SLCO1B3: variants seen among roughly 807,000 people sequenced by gnomAD.
SLCO1B3 encodes the protein liver-specific organic anion transporter 2.
Under a neutral mutation model 71.8 loss-of-function variants are expected in SLCO1B3, and 72 were observed. The ratio of observed to expected loss-of-function variants is 1.00; its 90% CI spans 0.83 to 1.22. SLCO1B3 has a LOEUF of 1.22. SLCO1B3 is among the 50% of genes most tolerant of loss of function. The pLI, the probability that SLCO1B3 is intolerant of heterozygous loss-of-function variation, is 0.00. For missense variants in SLCO1B3, 911 were observed against 819.7 expected, an observed-to-expected ratio of 1.11 and a Z score of -1.36; for synonymous variants, 298 against 278.4, an observed-to-expected ratio of 1.07 and a Z score of -0.70.
intron 3 of SLCO1B3, among the ~76,000 whole-genome samples, chr12:20,849,365 C>A (rs1164193286): frequency 6.6e-6 from 1 of 151,922 alleles, no homozygotes; most frequent in Non-Finnish European, 1.5e-5. Context: ...TTTCTCAACA[C>A]AAACACCCAG....
intron 15 of SLCO1B3, among the ~76,000 whole-genome samples, chr12:20,912,956 C>A (rs1866415052): frequency 6.6e-6 from 1 of 151,870 alleles, no homozygotes; most frequent in African/African-American, 2.4e-5. Flanking sequence ...GGATTACAGG[C>A]CTGAGCCACC....
chr12:20,824,778 C>T (rs1359013104), intron 3 of SLCO1B3, among the ~76,000 whole-genome samples: 1 of 152,118 alleles, frequency 6.6e-6, no homozygotes, highest in Non-Finnish European at 1.5e-5. Flanking sequence ...AAATATGTCT[C>T]TTTTGGACTT....
Position 20,916,397 on chromosome 12 carries a change from AGCTAT to A in SLCO1B3, c.*153_*157del, listed in dbSNP as rs1475592747. On this transcript the variant is annotated 3_prime_UTR_variant, in exon 16 of 16. Coordinates refer to ENST00000381545, the MANE Select transcript of SLCO1B3 (RefSeq NM_019844.4). The stretch of plus-strand genomic sequence containing the variant: ...ATGGGAGTACCCATGGTTAGGATAT[AGCTAT>A]GCCTTTATGGTTAAGATTAGAATAT... The A allele has an allele frequency of 1.5e-6, 1 of 658,760 alleles. No individual in the cohort carries two copies. Among genetic ancestry groups the A allele is most frequent in the Non-Finnish European group, 2.5e-6 (1 of 393,532 alleles). 40.8% of individuals were successfully genotyped at this position (658,760 alleles called of 1,614,324 possible).
At chr12:20,826,924 ATACT>A (rs1437262986) in intron 3 of SLCO1B3, among the ~76,000 whole-genome samples, 1 of 152,088 alleles carries the variant, frequency 6.6e-6, no homozygotes, top group East Asian at 1.9e-4. Flanking sequence ...AATAACCCAG[ATACT>A]TAATGTAACA....
intron 3 of SLCO1B3, among the ~76,000 whole-genome samples, chr12:20,849,937 T>C (rs565728399): frequency 6.6e-6 from 1 of 151,892 alleles, no homozygotes; most frequent in African/African-American, 2.4e-5. Flanking sequence ...AAACATCCAG[T>C]GTTTATAGAT....
intron 3 of SLCO1B3, among the ~76,000 whole-genome samples, chr12:20,846,489 T>A (rs914006602): frequency 2.5e-4 from 38 of 152,126 alleles, no homozygotes. Flanking sequence ...ACATATATAT[T>A]TGAAGGATAT....
intron 8 of SLCO1B3, among the ~76,000 whole-genome samples, chr12:20,864,763 CTTA>C (rs1865339820): frequency 6.6e-6 from 1 of 152,160 alleles, no homozygotes; most frequent in African/African-American, 2.4e-5. Context: ...CACATCTTCT[CTTA>C]TTCTGTGAGA....
At chr12:20,823,511 A>G (rs1864361345) in intron 3 of SLCO1B3, among the ~76,000 whole-genome samples, 1 of 152,206 alleles carries the variant, frequency 6.6e-6, no homozygotes, top group Non-Finnish European at 1.5e-5. Context: ...CCCCAGTTTT[A>G]TTAAACAGAA....
At chr12:20,884,261 A>G (rs1278325056) in intron 13 of SLCO1B3, among the ~76,000 whole-genome samples, 2 of 152,190 alleles carry the variant, frequency 1.3e-5, no homozygotes, top group Non-Finnish European at 2.9e-5. Context: ...AAGTATAAAA[A>G]TAAACACATA....
Position 20,883,554 on chromosome 12 carries a change from CTT to C in SLCO1B3, c.1636_1637del (p.Leu546ValfsTer20), listed in dbSNP as rs78627909. ...TATGTTGCAATTCAAGTCATAAACT[CTT>C]TGTTCTCTGCAACAGGAGGTACCAC... On this transcript the variant is annotated frameshift_variant, in exon 13 of 16. Coordinates refer to ENST00000381545, the MANE Select transcript of SLCO1B3 (RefSeq NM_019844.4). LOFTEE classifies it high-confidence loss of function. The C allele has an allele frequency of 5.6e-6, 9 of 1,602,350 alleles. No homozygotes were observed. The highest frequency in any genetic ancestry group is 2.6e-6 in the Non-Finnish European group (3 of 1,176,132).
chr12:20,822,672 A>G (rs558224039), intron 3 of SLCO1B3, among the ~76,000 whole-genome samples: 111 of 152,196 alleles, frequency 7.3e-4, no homozygotes, highest in Non-Finnish European at 1.3e-3. Flanking sequence ...AAAAACTAGC[A>G]GGTAAGGGAA....
At chr12:20,863,700 C>T (rs953797713) in intron 8 of SLCO1B3, among the ~76,000 whole-genome samples, 1 of 152,018 alleles carries the variant, frequency 6.6e-6, no homozygotes, top group Admixed American at 6.6e-5. Context: ...TTTTTATATC[C>T]CCAAACAACT....
chr12:20,819,766 C>T (rs4762675), intron 3 of SLCO1B3, among the ~76,000 whole-genome samples: 68,404 of 151,748 alleles, frequency 0.45, 17,704 homozygotes, highest in South Asian at 0.64. Flanking sequence ...TGGCACTGAG[C>T]GGGGTAAGGG....
Position 20,846,416 on chromosome 12 carries a change from C to G in SLCO1B3, c.85-8612C>G, listed in dbSNP as rs970495751. 5.3e-4 allele frequency among the ~76,000 whole-genome samples: 80 copies of G among 152,230 alleles called. 1 individual carries two copies. The highest frequency in any genetic ancestry group is 2.6e-4 in the Non-Finnish European group (18 of 68,018). On this transcript the variant is annotated intron_variant, in intron 3 of 15. Transcript: ENST00000381545. ...TTTATAAGGTATTTAACTTCGTTGA[C>G]TTGGAATTGCAAACTATGTGTTGGT...
At chr12:20,873,713 A>G (rs529966637) in intron 8 of SLCO1B3, among the ~76,000 whole-genome samples, 7 of 152,264 alleles carry the variant, frequency 4.6e-5, no homozygotes, top group African/African-American at 1.4e-4. Context: ...CCCATCACCT[A>G]GGTATTAAGT....
chr12:20,833,507 C>CTATGTATGTATATACATATATAGTT (rs1189155790), intron 3 of SLCO1B3, among the ~76,000 whole-genome samples: 2 of 147,862 alleles, frequency 1.4e-5, no homozygotes, highest in Non-Finnish European at 3.0e-5. Context: ...CATATGTTTA[C>CTATGTATGTATATACATATATAGTT]TATGTATGTA....
At chr12:20,906,207 G>C (rs1240053135) in intron 15 of SLCO1B3, among the ~76,000 whole-genome samples, 2 of 152,058 alleles carry the variant, frequency 1.3e-5, no homozygotes, top group African/African-American at 4.8e-5. Context: ...AGAAAAAAAT[G>C]AAACTTAAAC....
At position 20,879,546 on chromosome 12, in the gene SLCO1B3, A is replaced by G; in HGVS notation, c.1246A>G (p.Met416Val). Residue 416 changes from methionine (M) to valine (V), a missense_variant, in exon 11 of 16, where the codon ATG becomes GTG. Physicochemically the swap from Met to Val is conservative, Grantham distance 21. Coordinates refer to ENST00000381545, the MANE Select transcript of SLCO1B3 (RefSeq NM_019844.4). ...GIAKFSFLTSMISFLFQLLYF... is the reference protein window; with the variant it reads ...GIAKFSFLTSVISFLFQLLYF... ...TGCCAAATTTTCATTTCTTACTTCG[A>G]TGATATCCTTCTTGTTTCAACTTCT... The G allele has an allele frequency of 1.2e-6, 2 of 1,612,404 alleles. No homozygotes were observed. The highest frequency in any genetic ancestry group is 1.3e-5 in the African/African-American group (1 of 74,974).
At chr12:20,820,562 C>T (rs923827729) in intron 3 of SLCO1B3, among the ~76,000 whole-genome samples, 21 of 152,152 alleles carry the variant, frequency 1.4e-4, no homozygotes, top group Admixed American at 6.5e-5. Context: ...TGGGGTTTGT[C>T]TCACAGTGGA....
Sources: gnomAD v4.1 joint callset for allele counts (sites outside exome capture counted in the v4.1 genomes callset) on GRCh38, gnomAD v4.1.1 for gene constraint, MANE v1.5 for transcripts, NCBI Gene and HGNC (gene_info 2026-07-23, HGNC 2026-07-21) for gene names.